The following TACC1 variants were observed in gnomAD, a reference collection of about 807,000 sequenced individuals.
TACC1 encodes transforming acidic coiled-coil containing protein 1.
In TACC1, 48 loss-of-function variants were observed where a neutral mutation model predicts 84.4. That is an observed-to-expected ratio of 0.57 (90% CI 0.45 to 0.72). The LOEUF is 0.72. Ranked by LOEUF, TACC1 falls within the 30% of genes least tolerant of loss-of-function variation. The pLI is 0.00. For synonymous variants in TACC1, 372 were observed against 376.3 expected, an observed-to-expected ratio of 0.99 and a Z score of 0.13; for missense variants, 920 against 973.0, an observed-to-expected ratio of 0.95 and a Z score of 0.72.
intron 2 of TACC1, among the ~76,000 whole-genome samples, chr8:38,805,024 A>G (rs967333880): frequency 6.6e-6 from 1 of 152,240 alleles, no homozygotes; most frequent in Non-Finnish European, 1.5e-5. Flanking sequence ...CTATTTCTTG[A>G]GAGATAGCAG....
intron 4 of TACC1, among the ~76,000 whole-genome samples, chr8:38,826,750 A>C (rs1442809750): frequency 2.0e-5 from 3 of 152,234 alleles, no homozygotes; most frequent in African/African-American, 7.2e-5. Context: ...AAGTAAATTC[A>C]ATATTTAGAA....
chr8:38,810,138 G>C (rs539359973), intron 2 of TACC1, among the ~76,000 whole-genome samples: 28 of 151,128 alleles, frequency 1.9e-4, no homozygotes, highest in African/African-American at 6.1e-4. Flanking sequence ...TTGTTACTTA[G>C]GTATTTTTAA....
intron 3 of TACC1, among the ~76,000 whole-genome samples, chr8:38,769,903 T>G (rs1341347639): frequency 6.7e-6 from 1 of 149,448 alleles, no homozygotes; most frequent in Non-Finnish European, 1.5e-5. Context: ...GGTGAGGGTG[T>G]GTGGTGTGTG....
intron 10 of TACC1, among the ~76,000 whole-genome samples, chr8:38,842,802 A>C (rs1831514461): frequency 6.6e-6 from 1 of 152,228 alleles, no homozygotes; most frequent in Admixed American, 6.5e-5. Context: ...AGTTTTAGTA[A>C]AAGGGATTAG....
chr8:38,778,274 T>TG lies in TACC1; in HGVS notation c.27-10430_27-10429insG, dbSNP rs1554505822. 2.0e-5 allele frequency among the ~76,000 whole-genome samples: 3 copies of TG among 148,360 alleles called. No homozygotes were observed. In the East Asian group the frequency reaches 6.0e-4, roughly 30 times the overall value. On this transcript the variant is annotated intron_variant, in intron 3 of 14. Coordinates refer to the TACC1 transcript ENST00000518415. ...TGCTTTTTTATCTTAATAATTAAAA[T>TG]TGTGTGTGTGTGTGTGTGTGTGTAT...
In TACC1 at chr8:38,843,336, T is replaced by C; in HGVS notation, c.2169T>C (p.Val723=). The C allele has an allele frequency of 6.2e-7, 1 of 1,609,010 alleles. No individual in the cohort carries two copies. The highest frequency in any genetic ancestry group is 8.5e-7 in the Non-Finnish European group (1 of 1,177,562). The change falls in exon 11 of 13, where the codon GTT becomes GTC. Residue 723 remains valine, a synonymous_variant. Transcript: ENST00000317827. ...KKCAQDYLAR[V]KQEEQRYQAL... is the part of the protein sequence containing the mutation. ...GTGCTCAGGATTACTTAGCCAGAGT[T>C]AAACAAGAGGAGCAGCGATACCAGG...
chr8:38,838,609 TG>T lies in TACC1; in HGVS notation c.1916+64del, dbSNP rs1244617421. 3.0e-6 allele frequency: 4 copies of T among 1,338,716 alleles called. No individual in the cohort carries two copies. In the African/African-American group the frequency reaches 5.8e-5, roughly 19 times the overall value. 82.9% of individuals were successfully genotyped at this position (1,338,716 alleles called of 1,614,324 possible). On this transcript the variant is annotated intron_variant, in intron 8 of 12. Coordinates refer to ENST00000317827, the MANE Select transcript of TACC1 (RefSeq NM_006283.3). ...TATGCACTGTTAGATTTGATACAGA[TG>T]AAGTGATGACAGTGTTTGCTTGCCA...
Position 38,849,451 on chromosome 8 carries a change from A to G in TACC1, c.*1428A>G, listed in dbSNP as rs1832815462. ...TGTTTTAAAGCACTGTCCTGTCTTA[A>G]TCTTACATGCTGAAAGTCTTCATGG... On this transcript the variant is annotated 3_prime_UTR_variant, in exon 13 of 13. Transcript: ENST00000317827. 1 of 152,222 alleles carries G rather than the reference A, an allele frequency of 6.6e-6. No homozygotes were observed. Among genetic ancestry groups the G allele is most frequent in the African/African-American group, 2.4e-5 (1 of 41,472 alleles). The allele number at this position is 152,222 out of a possible 1,614,324, so 9.4% of individuals were successfully genotyped here.
At chr8:38,833,865 T>C (rs983424362) in intron 6 of TACC1, among the ~76,000 whole-genome samples, 4 of 152,220 alleles carry the variant, frequency 2.6e-5, no homozygotes, top group African/African-American at 9.6e-5. Context: ...CAGAAGAGAC[T>C]GACCCATGAA....
intron 3 of TACC1, among the ~76,000 whole-genome samples, chr8:38,762,844 C>T (rs1811488206): frequency 2.0e-5 from 3 of 151,916 alleles, no homozygotes; most frequent in Admixed American, 2.0e-4. Flanking sequence ...GGCATGAGCC[C>T]GGCCCCACCT....
Position 38,820,289 on chromosome 8 carries a change from C to G in TACC1, c.1045C>G (p.Leu349Val). The G allele has an allele frequency of 6.2e-7, 1 of 1,614,186 alleles. No individual in the cohort carries two copies. Among genetic ancestry groups the G allele is most frequent in the African/African-American group, 1.3e-5 (1 of 75,054 alleles). ...GCTTGGCAGGAAACTGGGTAGCACA[C>G]TGACTCCCAAGATACAAAAAGATGG... ...RKLGRKLGST[L>V]TPKIQKDGIS... The change falls in exon 3 of 13, where the codon CTG becomes GTG. Residue 349 changes from leucine to valine, a missense_variant. Physicochemically the swap from Leu to Val is conservative, Grantham distance 32. Transcript: ENST00000317827.
In TACC1 at chr8:38,825,342, T is replaced by A; in HGVS notation, c.1426T>A (p.Ser476Thr). 1.9e-6 allele frequency: 3 copies of A among 1,614,136 alleles called. No homozygotes were observed. The highest frequency in any genetic ancestry group is 1.1e-5 in the South Asian group (1 of 91,072). ...GCKVKKHETQ[S>T]LALDACSRDE... ...TAAGGTGAAGAAGCATGAAACTCAG[T>A]CTCTCGCCCTGGATGCATGTTCTCG... Residue 476 changes from serine to threonine, a missense_variant, in exon 4 of 13, where the codon TCT becomes ACT. Ser to Thr is a moderately conservative substitution (Grantham distance 58). Coordinates refer to ENST00000317827, the MANE Select transcript of TACC1 (RefSeq NM_006283.3).
chr8:38,747,924 T>C (rs145469234), intron 3 of TACC1, among the ~76,000 whole-genome samples: 3 of 152,298 alleles, frequency 2.0e-5, no homozygotes, highest in East Asian at 1.9e-4. Context: ...GTATGGGATG[T>C]TGATAGTGGG....
chr8:38,733,771 C>T (rs1409902209), intron 1 of TACC1, among the ~76,000 whole-genome samples: 1 of 152,098 alleles, frequency 6.6e-6, no homozygotes, highest in Non-Finnish European at 1.5e-5. Flanking sequence ...TCCTTCCTCA[C>T]CTCCAGGAAA....
chr8:38,832,238 G>A (rs1319512145), intron 6 of TACC1, among the ~76,000 whole-genome samples: 4 of 152,368 alleles, frequency 2.6e-5, no homozygotes, highest in South Asian at 4.1e-4. Flanking sequence ...GATTTAAGCT[G>A]TAAAGTGCTA....
rs745936693 is a variant in TACC1 at position 38,820,485 on chromosome 8, C to G, written c.1241C>G (p.Ser414Cys). The G allele has an allele frequency of 6.2e-7, 1 of 1,614,210 alleles. No individual in the cohort carries two copies. The highest frequency in any genetic ancestry group is 2.2e-5 in the East Asian group (1 of 44,876). Residue 414 changes from serine (S) to cysteine (C), a missense_variant, in exon 3 of 13, where the codon TCC becomes TGC. Ser to Cys is a moderately radical substitution (Grantham distance 112, BLOSUM62 -1). Transcript: ENST00000317827. ...QNSPPLSSEGSYHFDPDNFDE... is the reference protein window; with the variant it reads ...QNSPPLSSEGCYHFDPDNFDE... ...TCCCCACCCCTCTCTTCTGAGGGCTCCTACCACTTTGACCCAGATAACTTT... is the reference window on the plus strand; with the variant it reads ...TCCCCACCCCTCTCTTCTGAGGGCTGCTACCACTTTGACCCAGATAACTTT...
At chr8:38,751,995 T>C (rs1258586616) in intron 3 of TACC1, among the ~76,000 whole-genome samples, 1 of 152,194 alleles carries the variant, frequency 6.6e-6, no homozygotes, top group Non-Finnish European at 1.5e-5. Flanking sequence ...GTGGTTACTT[T>C]CGTTAACCAC....
chr8:38,812,802 C>G (rs1824530891), intron 2 of TACC1, among the ~76,000 whole-genome samples: 1 of 152,196 alleles, frequency 6.6e-6, no homozygotes, highest in Non-Finnish European at 1.5e-5. Flanking sequence ...ATCAATATCT[C>G]TCTTTCCTGC....
At chr8:38,748,430 C>T (rs1448970939) in intron 3 of TACC1, among the ~76,000 whole-genome samples, 5 of 152,244 alleles carry the variant, frequency 3.3e-5, no homozygotes, top group Non-Finnish European at 7.4e-5. Flanking sequence ...ACCTGAACAA[C>T]ATTATCAGTC....
Sources: gnomAD v4.1 joint callset for allele counts (sites outside exome capture counted in the v4.1 genomes callset) on GRCh38, gnomAD v4.1.1 for gene constraint, MANE v1.5 for transcripts, NCBI Gene and HGNC (gene_info 2026-07-23, HGNC 2026-07-21) for gene names.